Variants in MYO5B observed in about 807,000 individuals in gnomAD.
MYO5B encodes the protein unconventional myosin-Vb.
In MYO5B, 143 loss-of-function variants were observed where a neutral mutation model predicts 229.3. The ratio of observed to expected loss-of-function variants is 0.62; its 90% confidence interval spans 0.54 to 0.72. The LOEUF (loss-of-function observed/expected upper bound fraction) is 0.72, where lower values mean the gene tolerates loss of function less well. Among genes scored for constraint, MYO5B ranks in the 30% least tolerant of loss-of-function variants. The pLI is 0.00. For synonymous variants in MYO5B, 918 were observed against 885.2 expected (o/e 1.04, Z -0.66); for missense variants, 2,321 against 2,331.0 (o/e 1.00, Z 0.09).
intron 1 of MYO5B, among the ~76,000 whole-genome samples, chr18:50,123,417 T>C (rs1172346386): frequency 1.3e-5 from 2 of 152,146 alleles, no homozygotes; most frequent in Admixed American, 6.5e-5. Context: ...AATTGTATAT[T>C]ATGTGAATTT....
At chr18:49,998,192 C>T (rs1036987182) in intron 5 of MYO5B, among the ~76,000 whole-genome samples, 1 of 152,176 alleles carries the variant, frequency 6.6e-6, no homozygotes, top group East Asian at 1.9e-4. Flanking sequence ...TCAAACATAA[C>T]ACTTAATGAC....
intron 14 of MYO5B, among the ~76,000 whole-genome samples, chr18:49,950,222 T>C (rs1047210613): frequency 6.6e-6 from 1 of 152,132 alleles, no homozygotes; most frequent in Admixed American, 6.5e-5. Context: ...GGGTTGTTGC[T>C]GGGATGGGGA....
chr18:49,871,151 C>T (rs1313799180), intron 27 of MYO5B, among the ~76,000 whole-genome samples: 1 of 152,152 alleles, frequency 6.6e-6, no homozygotes, highest in Non-Finnish European at 1.5e-5. Flanking sequence ...CATCAGGACA[C>T]AAATGTTAAG....
At chr18:50,039,973 G>A (rs2029960925) in intron 3 of MYO5B, among the ~76,000 whole-genome samples, 170 bp downstream of exon 3, 1 of 152,014 alleles carries the variant, frequency 6.6e-6, no homozygotes, top group African/African-American at 2.4e-5. Flanking sequence ...CAGAGACTGG[G>A]GCAGCCTAAT....
chr18:50,053,948 C>G (rs1408160322), intron 2 of MYO5B, among the ~76,000 whole-genome samples: 1 of 152,212 alleles, frequency 6.6e-6, no homozygotes, highest in Non-Finnish European at 1.5e-5. Context: ...CATCCCAAAG[C>G]CAACCCTTAA....
chr18:49,985,523 G>C (rs186546569), intron 7 of MYO5B, among the ~76,000 whole-genome samples: 15 of 152,320 alleles, frequency 9.8e-5, no homozygotes, highest in Admixed American at 9.1e-4. Context: ...GAGGACGGCA[G>C]AATTAGTGCT....
At chr18:49,861,335 G>A (rs1205149166) in intron 29 of MYO5B, among the ~76,000 whole-genome samples, 1 of 152,276 alleles carries the variant, frequency 6.6e-6, no homozygotes, top group Non-Finnish European at 1.5e-5. Context: ...CCTGACAACC[G>A]CTGCATGAAT....
intron 1 of MYO5B, among the ~76,000 whole-genome samples, chr18:50,189,760 G>A (rs888834578): frequency 1.3e-5 from 2 of 152,154 alleles, no homozygotes; most frequent in African/African-American, 4.8e-5. Flanking sequence ...GGGGTGACTG[G>A]GTACAGAGGA....
At chr18:49,892,812 T>G (rs946233770) in intron 22 of MYO5B, among the ~76,000 whole-genome samples, 1 of 152,250 alleles carries the variant, frequency 6.6e-6, no homozygotes, top group African/African-American at 2.4e-5. Flanking sequence ...ACTTCATGAG[T>G]CATCTCCTGT....
intron 16 of MYO5B, 128 bp downstream of exon 16, chr18:49,936,124 C>G: frequency 1.3e-6 from 1 of 775,298 alleles, no homozygotes; most frequent in African/African-American, 1.7e-5. Flanking sequence ...AGTAAGATGT[C>G]TGGGGAGTGT....
chr18:50,106,473 C>T (rs1204132087), intron 1 of MYO5B, among the ~76,000 whole-genome samples: 1 of 152,200 alleles, frequency 6.6e-6, no homozygotes, highest in Non-Finnish European at 1.5e-5. Flanking sequence ...AGGTTTCTGC[C>T]TACTAAGTTT....
At chr18:49,940,585 G>C (rs2025303139) in intron 14 of MYO5B, among the ~76,000 whole-genome samples, 1 of 152,198 alleles carries the variant, frequency 6.6e-6, no homozygotes, top group African/African-American at 2.4e-5. Flanking sequence ...TCACGTCCAA[G>C]GAGAAACTGG....
chr18:49,849,492 G>T, intron 32 of MYO5B, 75 bp downstream of exon 32: 1 of 1,028,808 alleles, frequency 9.7e-7, no homozygotes, highest in Non-Finnish European at 1.5e-6. Context: ...CAGAGGGCAG[G>T]CAGACAGCTC....
rs760269368 is a variant in MYO5B at position 50,040,107 on chromosome 18, T to G, written c.310+36A>C. On this transcript the variant is annotated intron_variant, in intron 3 of 39. Transcript: ENST00000285039. ...GCAAGTCTAAAGCTGGTAAGCACTTTCCAACGCATGCAGCCAACAGATGCC... is the reference window on the plus strand; with the variant it reads ...GCAAGTCTAAAGCTGGTAAGCACTTGCCAACGCATGCAGCCAACAGATGCC... 4 of 1,611,334 alleles carry G rather than the reference T, an allele frequency of 2.5e-6. No homozygotes were observed. The Admixed American group carries it at 6.7e-5, about 27-fold the overall frequency.
At chr18:50,073,408 C>G (rs541794382) in intron 1 of MYO5B, among the ~76,000 whole-genome samples, 2 of 152,292 alleles carry the variant, frequency 1.3e-5, no homozygotes, top group East Asian at 1.9e-4. Flanking sequence ...ATGCAAGCAT[C>G]GTGAGAAGCC....
chr18:49,971,353 G>A (rs934177379), intron 10 of MYO5B, among the ~76,000 whole-genome samples: 2 of 152,194 alleles, frequency 1.3e-5, no homozygotes, highest in Non-Finnish European at 2.9e-5. Flanking sequence ...TGGGTTTCTG[G>A]AAGGTATGTG....
chr18:49,895,876 A>C (rs1033222665), intron 21 of MYO5B, among the ~76,000 whole-genome samples: 2 of 152,240 alleles, frequency 1.3e-5, no homozygotes, highest in African/African-American at 4.8e-5. Flanking sequence ...GCTGGTATCA[A>C]GTGCTACTGC....
intron 16 of MYO5B, among the ~76,000 whole-genome samples, chr18:49,932,726 C>T (rs765234415): frequency 6.6e-6 from 1 of 152,130 alleles, no homozygotes; most frequent in African/African-American, 2.4e-5. Flanking sequence ...AGCTAAGAGA[C>T]ACTATACAAA....
chr18:50,183,306 C>CATATATATATATATATATATAT (rs71169486), intron 1 of MYO5B, among the ~76,000 whole-genome samples: 53 of 110,002 alleles, frequency 4.8e-4, no homozygotes, highest in South Asian at 1.5e-3. Context: ...TCAATTTTAT[C>CATATATATATATATATATATAT]ATATATATAT....
Sources: gnomAD v4.1 joint callset for allele counts (sites outside exome capture counted in the v4.1 genomes callset) on GRCh38, gnomAD v4.1.1 for gene constraint, MANE v1.5 for transcripts, NCBI Gene and HGNC (gene_info 2026-07-23, HGNC 2026-07-21) for gene names.